The following CUEDC1 variants were observed in gnomAD, a reference collection of about 807,000 sequenced individuals.
CUEDC1 encodes CUE domain-containing protein 1.
CUEDC1 carries 30 observed loss-of-function variants against 43.7 expected under a neutral mutation model. The observed-to-expected ratio is 0.69, with a 90% CI of 0.51 to 0.93. The LOEUF (loss-of-function observed/expected upper bound fraction) is 0.93. Among genes scored for constraint, CUEDC1 ranks in the 40% least tolerant of loss-of-function variants. The probability of loss-of-function intolerance (pLI) is 0.00; values close to 1 mark genes in which losing one functional copy is unlikely to be tolerated. For missense variants in CUEDC1, 486 were observed against 549.0 expected (o/e 0.89, Z 1.15); for synonymous variants, 223 against 223.6 (o/e 1.00, Z 0.02).
intron 1 of CUEDC1, among the ~76,000 whole-genome samples, chr17:57,938,959 CCT>C (rs2074888598): frequency 9.0e-6 from 1 of 111,680 alleles, no homozygotes; most frequent in Non-Finnish European, 1.8e-5. Flanking sequence ...CCGTGCCCAG[CCT>C]TTTTTTTTTT....
intron 1 of CUEDC1, among the ~76,000 whole-genome samples, chr17:57,889,577 G>C (rs73992366): frequency 0.019 from 2,857 of 152,336 alleles, 76 homozygotes; most frequent in African/African-American, 0.064. Flanking sequence ...CATTACAGGT[G>C]AAGAGCCTGA....
At chr17:57,880,541 G>T (rs183075333) in intron 2 of CUEDC1, among the ~76,000 whole-genome samples, 1 of 152,192 alleles carries the variant, frequency 6.6e-6, no homozygotes, top group Non-Finnish European at 1.5e-5. Flanking sequence ...TTATCCAGGA[G>T]CCAAGAAGAG....
intron 9 of CUEDC1, chr17:57,867,056 G>A: frequency 4.0e-6 from 2 of 495,618 alleles, no homozygotes; most frequent in South Asian, 4.7e-5. Flanking sequence ...CCCCATGGGG[G>A]CAGGCCTGTC....
At chr17:57,936,562 G>C (rs745548763) in intron 1 of CUEDC1, among the ~76,000 whole-genome samples, 2 of 152,138 alleles carry the variant, frequency 1.3e-5, no homozygotes, top group Non-Finnish European at 2.9e-5. Context: ...AGGGACAGTG[G>C]CTGGGATGCA....
intron 1 of CUEDC1, among the ~76,000 whole-genome samples, chr17:57,889,205 C>T (rs867626955): frequency 2.0e-5 from 3 of 152,338 alleles, no homozygotes; most frequent in Middle Eastern, 3.4e-3. Context: ...TAATCCTCAG[C>T]ACACTGCCTA....
At chr17:57,899,414 T>C (rs2074447666) in intron 1 of CUEDC1, among the ~76,000 whole-genome samples, 1 of 152,222 alleles carries the variant, frequency 6.6e-6, no homozygotes, top group Admixed American at 6.5e-5. Flanking sequence ...ACGTATACTC[T>C]GGAGCTGCCA....
intron 1 of CUEDC1, among the ~76,000 whole-genome samples, chr17:57,934,692 G>A (rs2074843651): frequency 6.6e-6 from 1 of 151,970 alleles, no homozygotes; most frequent in African/African-American, 2.4e-5. Context: ...ATACTTAGAG[G>A]GGCAGACATG....
intron 3 of CUEDC1, among the ~76,000 whole-genome samples, chr17:57,875,185 C>T (rs2074100172): frequency 6.6e-6 from 1 of 152,216 alleles, no homozygotes; most frequent in Non-Finnish European, 1.5e-5. Context: ...CCCCAGGCTA[C>T]AGCAGGGAGG....
intron 9 of CUEDC1, chr17:57,866,827 A>G (rs1263780065): frequency 4.3e-6 from 2 of 460,584 alleles, no homozygotes; most frequent in Admixed American, 3.6e-5. Flanking sequence ...GAAAAGCTGG[A>G]CTATCTAGAT....
At chr17:57,938,067 G>T (rs546768424) in intron 1 of CUEDC1, among the ~76,000 whole-genome samples, 1 of 152,300 alleles carries the variant, frequency 6.6e-6, no homozygotes, top group East Asian at 1.9e-4. Flanking sequence ...CCTAATCCCA[G>T]TCTTCAGGCC....
intron 1 of CUEDC1, among the ~76,000 whole-genome samples, chr17:57,902,601 G>A (rs1205099826): frequency 6.6e-6 from 1 of 152,246 alleles, no homozygotes; most frequent in African/African-American, 2.4e-5. Context: ...TCTGTGAATT[G>A]TAGCCAGGAT....
chr17:57,921,451 C>T (rs567493983), intron 1 of CUEDC1, among the ~76,000 whole-genome samples: 178 of 152,292 alleles, frequency 1.2e-3, no homozygotes, highest in Middle Eastern at 6.8e-3. Flanking sequence ...GGAAGATATA[C>T]GGAGTAACCT....
chr17:57,897,507 A>G lies in CUEDC1; in HGVS notation c.-315-11628T>C, dbSNP rs113873317. On this transcript the variant is annotated intron_variant, in intron 1 of 10. Transcript: ENST00000577830. ...AACACGGTGAAACCCCGTCTCTACT[A>G]AAAATACAAAAAATTAGCCGGGTGT... 2.3e-3 allele frequency among the ~76,000 whole-genome samples: 344 copies of G among 152,170 alleles called. 2 individuals carry two copies. Among genetic ancestry groups the G allele is most frequent in the African/African-American group, 8.0e-3 (334 of 41,530 alleles).
intron 1 of CUEDC1, among the ~76,000 whole-genome samples, chr17:57,934,863 A>G (rs965005835): frequency 2.0e-5 from 3 of 152,024 alleles, no homozygotes; most frequent in African/African-American, 7.2e-5. Context: ...ATGCCCCACC[A>G]TGCCCAGCTA....
intron 1 of CUEDC1, among the ~76,000 whole-genome samples, chr17:57,889,371 A>G (rs1336546274): frequency 6.6e-6 from 1 of 151,976 alleles, no homozygotes; most frequent in Admixed American, 6.6e-5. Flanking sequence ...AATCCCTGGA[A>G]TTCTTTCAGC....
chr17:57,894,537 G>A (rs1168182072), intron 1 of CUEDC1, among the ~76,000 whole-genome samples: 1 of 152,104 alleles, frequency 6.6e-6, no homozygotes, highest in Non-Finnish European at 1.5e-5. Context: ...CCAGTGTGGT[G>A]GCGCATGCCT....
rs1404229913 is a variant in CUEDC1, at chr17:57,954,937, C to T, written c.-316+288G>A. Among the ~76,000 whole-genome samples, 2 of 151,738 alleles carry T rather than the reference C, an allele frequency of 1.3e-5. No individual in the cohort carries two copies. Among genetic ancestry groups the T allele is most frequent in the Non-Finnish European group, 2.9e-5 (2 of 67,858 alleles). On this transcript the variant is annotated intron_variant, in intron 1 of 10. Coordinates refer to ENST00000577830, the MANE Select transcript of CUEDC1 (RefSeq NM_001271875.2). The surrounding 1 kb of genome is among the most constrained non-coding windows in gnomAD (Gnocchi z 4.3). Reference sequence around the variant, plus strand: ...CCGGTCTAATCGCGCGCCCCGCTCCCGGCCCCCCAGATGCCCGCACGCCCC... The same window carrying T: ...CCGGTCTAATCGCGCGCCCCGCTCCTGGCCCCCCAGATGCCCGCACGCCCC...
At chr17:57,898,962 C>G (rs1318596018) in intron 1 of CUEDC1, among the ~76,000 whole-genome samples, 1 of 152,186 alleles carries the variant, frequency 6.6e-6, no homozygotes, top group Non-Finnish European at 1.5e-5. Context: ...GGCCTGTCCC[C>G]CAAGGGAGGG....
chr17:57,918,997 GC>G (rs563524527), intron 1 of CUEDC1, among the ~76,000 whole-genome samples: 29 of 151,906 alleles, frequency 1.9e-4, no homozygotes, highest in Admixed American at 9.2e-4. Flanking sequence ...GGGATTACAG[GC>G]GCCTGCCACC....
Sources: gnomAD v4.1 joint callset for allele counts (sites outside exome capture counted in the v4.1 genomes callset) on GRCh38, gnomAD v4.1.1 for gene constraint, Gnocchi (gnomAD v3.1) non-coding constraint, MANE v1.5 for transcripts, NCBI Gene and HGNC (gene_info 2026-07-23, HGNC 2026-07-21) for gene names.